Variants in CDIN1 observed in about 807,000 individuals in gnomAD.
CDIN1 encodes the protein CDAN1 interacting nuclease 1.
CDIN1 carries 33 observed loss-of-function variants against 45.3 expected under a neutral mutation model. That is an observed-to-expected ratio of 0.73 (90% CI 0.55 to 0.97). The LOEUF (loss-of-function observed/expected upper bound fraction) is 0.97, where lower values mean the gene tolerates loss of function less well. Among genes scored for constraint, CDIN1 ranks in the 50% least tolerant of loss-of-function variants. CDIN1 has a pLI of 0.00. For synonymous variants in CDIN1, 118 were observed against 124.4 expected (o/e 0.95, Z 0.34); for missense variants, 303 against 339.4 (o/e 0.89, Z 0.84).
chr15:36,583,698 C>T (rs2037153453), intron 1 of CDIN1, among the ~76,000 whole-genome samples: 1 of 152,114 alleles, frequency 6.6e-6, no homozygotes, highest in South Asian at 2.1e-4. Context: ...TATTTCTGGT[C>T]ATAATAACAT....
chr15:36,653,158 A>C (rs1305144857), intron 3 of CDIN1, among the ~76,000 whole-genome samples: 2 of 152,162 alleles, frequency 1.3e-5, no homozygotes, highest in Non-Finnish European at 2.9e-5. Flanking sequence ...GGCAAATACA[A>C]TATGCTACGT....
At chr15:36,749,982 T>C (rs8023446) in intron 10 of CDIN1, among the ~76,000 whole-genome samples, 1 of 152,078 alleles carries the variant, frequency 6.6e-6, no homozygotes, top group Non-Finnish European at 1.5e-5. Context: ...TGCATTGTGT[T>C]GCCGTAATGA....
intron 5 of CDIN1, among the ~76,000 whole-genome samples, chr15:36,689,866 A>G (rs1282059385): frequency 2.0e-5 from 3 of 152,232 alleles, no homozygotes; most frequent in African/African-American, 7.2e-5. Context: ...ACTTGAACTT[A>G]GCAAAATAGT....
chr15:36,744,287 A>T (rs2140948706), intron 10 of CDIN1, among the ~76,000 whole-genome samples: 1 of 152,310 alleles, frequency 6.6e-6, no homozygotes, highest in East Asian at 1.9e-4. Flanking sequence ...AGCAAATGTC[A>T]ACCAGCCACA....
chr15:36,648,061 G>A (rs533839229), intron 3 of CDIN1, among the ~76,000 whole-genome samples: 1 of 152,002 alleles, frequency 6.6e-6, no homozygotes, highest in African/African-American at 2.4e-5. Flanking sequence ...GGATGGTCTC[G>A]ATCTCCTGAC....
At chr15:36,801,570 T>C (rs2141131771) in intron 10 of CDIN1, among the ~76,000 whole-genome samples, 1 of 152,302 alleles carries the variant, frequency 6.6e-6, no homozygotes. Flanking sequence ...TCCCTCAGTT[T>C]TCCTCATAAC....
chr15:36,677,838 GAGA>G (rs2140587486), intron 5 of CDIN1, among the ~76,000 whole-genome samples: 1 of 152,278 alleles, frequency 6.6e-6, no homozygotes, highest in Non-Finnish European at 1.5e-5. Context: ...TGTGAGTGTG[GAGA>G]AGAATTCAGT....
intron 10 of CDIN1, among the ~76,000 whole-genome samples, chr15:36,710,815 G>C (rs979696307): frequency 6.6e-6 from 1 of 152,246 alleles, no homozygotes; most frequent in South Asian, 2.1e-4. Context: ...GTGGGTAATA[G>C]CCTTGTCCTA....
chr15:36,659,778 C>A (rs960167173), intron 5 of CDIN1, among the ~76,000 whole-genome samples: 9 of 151,760 alleles, frequency 5.9e-5, no homozygotes, highest in African/African-American at 2.2e-4. Flanking sequence ...TTTCTCTGGA[C>A]AGAAAATGGT....
intron 10 of CDIN1, among the ~76,000 whole-genome samples, chr15:36,770,965 G>A (rs913199551): frequency 2.6e-5 from 4 of 152,166 alleles, no homozygotes; most frequent in African/African-American, 9.7e-5. Context: ...TAAAACTCTA[G>A]GTGATGCCAA....
intron 10 of CDIN1, among the ~76,000 whole-genome samples, chr15:36,776,779 A>G (rs1271298321): frequency 6.6e-6 from 1 of 152,220 alleles, no homozygotes; most frequent in East Asian, 1.9e-4. Context: ...TTTAAATTAT[A>G]GTAAAAGTGG....
intron 10 of CDIN1, among the ~76,000 whole-genome samples, chr15:36,735,111 T>G (rs544840081): frequency 6.6e-6 from 1 of 152,352 alleles, no homozygotes; most frequent in East Asian, 1.9e-4. Flanking sequence ...GAATAATACT[T>G]GAAGATTTGT....
At chr15:36,742,956 G>C (rs2044289867) in intron 10 of CDIN1, among the ~76,000 whole-genome samples, 2 of 152,206 alleles carry the variant, frequency 1.3e-5, no homozygotes, top group South Asian at 4.1e-4. Flanking sequence ...GAAGACCCAT[G>C]AGTTGAGTCA....
In CDIN1 at chr15:36,765,665, T is replaced by G. The variant is rs1000005760; in HGVS notation, c.717-42659T>G. Among the ~76,000 whole-genome samples, 4 of 152,362 alleles carry G rather than the reference T, an allele frequency of 2.6e-5. No individual in the cohort carries two copies. In the South Asian group the frequency reaches 8.3e-4, roughly 32 times the overall value. Reference sequence around the variant, plus strand: ...ATAGTTATTTAAAATTCTTAATTATTATCCTTTTTCCTAAATTATGGGATT... The same window carrying G: ...ATAGTTATTTAAAATTCTTAATTATGATCCTTTTTCCTAAATTATGGGATT... On this transcript the variant is annotated intron_variant, in intron 10 of 10. Coordinates refer to ENST00000566621, the MANE Select transcript of CDIN1 (RefSeq NM_001321759.2).
chr15:36,807,348 CA>C (rs2055263610), intron 10 of CDIN1, among the ~76,000 whole-genome samples: 1 of 152,168 alleles, frequency 6.6e-6, no homozygotes, highest in South Asian at 2.1e-4. Flanking sequence ...ACTAACCCAA[CA>C]TTCATAATTT....
chr15:36,679,247 T>G (rs2041765248), intron 5 of CDIN1, among the ~76,000 whole-genome samples: 1 of 152,202 alleles, frequency 6.6e-6, no homozygotes, highest in Admixed American at 6.5e-5. Context: ...TTTTGCCTGT[T>G]GAATAGATTG....
chr15:36,680,154 A>G (rs2041799338), intron 5 of CDIN1, among the ~76,000 whole-genome samples: 1 of 152,152 alleles, frequency 6.6e-6, no homozygotes, highest in Non-Finnish European at 1.5e-5. Flanking sequence ...ATAGCCACCA[A>G]TGACCATTCT....
At chr15:36,723,041 T>G (rs1202686663) in intron 10 of CDIN1, among the ~76,000 whole-genome samples, 1 of 152,024 alleles carries the variant, frequency 6.6e-6, no homozygotes, top group Admixed American at 6.6e-5. Flanking sequence ...TGAATTCTAT[T>G]CTCTTAATTT....
chr15:36,709,129 A>T, intron 8 of CDIN1, 94 bp from the exon 9 acceptor site: 1 of 1,049,326 alleles, frequency 9.5e-7, no homozygotes, highest in South Asian at 2.0e-5. Context: ...CTACAGTAGT[A>T]ATTTTTATAC....
Sources: allele counts gnomAD v4.1 joint callset (sites outside exome capture counted in the v4.1 genomes callset), GRCh38; gene constraint gnomAD v4.1.1; transcripts MANE v1.5; gene names NCBI Gene and HGNC (gene_info 2026-07-23, HGNC 2026-07-21).